The following MAPT variants were observed in gnomAD, a reference collection of about 807,000 sequenced individuals.
The protein encoded by MAPT is microtubule-associated protein tau.
A neutral mutation model predicts 67.9 loss-of-function variants in MAPT; 34 were observed. The observed-to-expected ratio is 0.50, with a 90% CI of 0.38 to 0.67. The LOEUF (loss-of-function observed/expected upper bound fraction) is 0.67, where lower values mean the gene tolerates loss of function less well. Among genes scored for constraint, MAPT ranks in the 30% least tolerant of loss-of-function variants. The pLI is 0.00. For missense variants in MAPT, 881 were observed against 1,115.2 expected (o/e 0.79, Z 2.99); for synonymous variants, 456 against 464.5 (o/e 0.98, Z 0.23).
intron 1 of MAPT, among the ~76,000 whole-genome samples, chr17:45,914,504 C>G (rs1489164026): frequency 6.6e-6 from 1 of 152,120 alleles, no homozygotes; most frequent in Non-Finnish European, 1.5e-5. Context: ...GTGAGAAAAG[C>G]AGTGAGGAAC....
At chr17:45,941,701 GCCTGCCTTCCTTCCTTCCTTCCTT>G (rs1242091047) in intron 1 of MAPT, among the ~76,000 whole-genome samples, 50 of 73,534 alleles carry the variant, frequency 6.8e-4, no homozygotes, top group Admixed American at 1.9e-3. Context: ...CTTCCTTCCT[GCCTGCCTTCCTTCCTTCCTTCCTT>G]CCTTCCTTCC....
intron 1 of MAPT, among the ~76,000 whole-genome samples, chr17:45,943,113 G>A (rs2068142456): frequency 6.6e-6 from 1 of 152,186 alleles, no homozygotes; most frequent in Non-Finnish European, 1.5e-5. Context: ...GAGTGCAGTG[G>A]CATGATCTCA....
intron 1 of MAPT, among the ~76,000 whole-genome samples, chr17:45,948,926 T>G (rs950890101): frequency 6.6e-6 from 1 of 152,228 alleles, no homozygotes; most frequent in African/African-American, 2.4e-5. Context: ...AGGTTATTTT[T>G]GGATTCTAGG....
chr17:46,015,876 A>G (rs899425421), intron 11 of MAPT, among the ~76,000 whole-genome samples: 3 of 152,074 alleles, frequency 2.0e-5, no homozygotes, highest in African/African-American at 7.2e-5. Context: ...AAAAAAATAT[A>G]TTTTTTAAGG....
chr17:45,946,414 C>T (rs376295630), intron 1 of MAPT, among the ~76,000 whole-genome samples: 2 of 151,452 alleles, frequency 1.3e-5, no homozygotes, highest in South Asian at 2.1e-4. Flanking sequence ...TCAACCTGGC[C>T]AACATGGTGA....
At chr17:45,909,429 C>T (rs564879912) in intron 1 of MAPT, among the ~76,000 whole-genome samples, 25 of 152,148 alleles carry the variant, frequency 1.6e-4, no homozygotes, top group Non-Finnish European at 2.8e-4. Flanking sequence ...ATTAGAAGGT[C>T]AGTCCCAATA....
chr17:46,007,637 C>T (rs1247373959), intron 9 of MAPT, among the ~76,000 whole-genome samples: 5 of 152,100 alleles, frequency 3.3e-5, no homozygotes. Context: ...AATGCAGTTT[C>T]TTTTATTTTG....
chr17:45,962,512 G>GCC, intron 2 of MAPT, 42 bp downstream of exon 2: 1 of 1,610,192 alleles, frequency 6.2e-7, no homozygotes, highest in South Asian at 1.1e-5. Flanking sequence ...ATCACTGCAA[G>GCC]CCAAGGGGTG....
chr17:45,992,634 A>G (rs2074154609), intron 8 of MAPT, among the ~76,000 whole-genome samples: 1 of 152,136 alleles, frequency 6.6e-6, no homozygotes, highest in African/African-American at 2.4e-5. Context: ...CATGCCTGTA[A>G]TCCCAGCACT....
At position 46,026,732 on chromosome 17, in the gene MAPT, C is replaced by T. The variant is rs2076820554; in HGVS notation, c.*2561C>T. On this transcript the variant is annotated 3_prime_UTR_variant, in exon 13 of 13. Coordinates refer to ENST00000262410, the MANE Select transcript of MAPT (RefSeq NM_001377265.1). ...GGATGACTTGACAAGTCAGGAGACA[C>T]TGTTCCCAAAGCCTTGACCAGAGCA... The T allele has an allele frequency of 6.6e-6, 1 of 152,444 alleles. No individual in the cohort carries two copies. Among genetic ancestry groups the T allele is most frequent in the African/African-American group, 2.4e-5 (1 of 41,462 alleles). 9.4% of individuals were successfully genotyped at this position (152,444 alleles called of 1,614,324 possible).
chr17:45,960,125 A>G (rs17650842), intron 1 of MAPT, among the ~76,000 whole-genome samples: 21,924 of 152,316 alleles, frequency 0.14, 2,141 homozygotes, highest in Middle Eastern at 0.22. Context: ...AAACAGACAC[A>G]TTTGCACAAG....
rs1240478991 is a variant in MAPT, at chr17:45,936,409, A to C, written c.-17-25912A>C. Reference sequence around the variant, plus strand: ...GGGGCTGCCTGTAGCATTAGAGGACATACATGCACATGCGTGGGCATGGGA... The same window carrying C: ...GGGGCTGCCTGTAGCATTAGAGGACCTACATGCACATGCGTGGGCATGGGA... On this transcript the variant is annotated intron_variant, in intron 1 of 12. Transcript: ENST00000262410. Among the ~76,000 whole-genome samples, 14 of 152,232 alleles carry C rather than the reference A, an allele frequency of 9.2e-5. 1 individual carries two copies. The highest frequency in any genetic ancestry group is 9.2e-4 in the Admixed American group (14 of 15,284).
In MAPT at chr17:45,905,031, G is replaced by C. The variant is rs777293159; in HGVS notation, c.-18+10345G>C. Among the ~76,000 whole-genome samples, 5 of 152,156 alleles carry C rather than the reference G, an allele frequency of 3.3e-5. No homozygotes were observed. In the South Asian group the frequency reaches 1.0e-3, roughly 32 times the overall value. ...AGAGTCATCAGCCCTCCCACCATCC[G>C]TTTTCTGTCTTGTCTTTTCCCTATG... On this transcript the variant is annotated intron_variant, in intron 1 of 12. Transcript: ENST00000262410.
At chr17:45,918,181 G>A (rs1437130679) in intron 1 of MAPT, among the ~76,000 whole-genome samples, 1 of 152,190 alleles carries the variant, frequency 6.6e-6, no homozygotes, top group East Asian at 1.9e-4. Context: ...CTGCTAGAGC[G>A]CTTGTCATTG....
intron 1 of MAPT, among the ~76,000 whole-genome samples, chr17:45,944,551 A>T (rs1470756799): frequency 6.6e-6 from 1 of 152,182 alleles, no homozygotes; most frequent in Non-Finnish European, 1.5e-5. Flanking sequence ...TCCAACGAGA[A>T]GCCAAGCAGG....
chr17:45,970,427 C>T (rs1194381373), intron 2 of MAPT, among the ~76,000 whole-genome samples: 1 of 152,238 alleles, frequency 6.6e-6, no homozygotes, highest in African/African-American at 2.4e-5. Flanking sequence ...TCCGTCCACC[C>T]ATCATGGTAT....
intron 1 of MAPT, among the ~76,000 whole-genome samples, chr17:45,961,494 C>T (rs1232965486): frequency 6.6e-6 from 1 of 152,166 alleles, no homozygotes; most frequent in Admixed American, 6.5e-5. Flanking sequence ...CCAGCAAACT[C>T]GGAGCTGGAG....
At chr17:45,909,054 A>G (rs4371195) in intron 1 of MAPT, among the ~76,000 whole-genome samples, 21,829 of 152,272 alleles carry the variant, frequency 0.14, 2,138 homozygotes, top group Middle Eastern at 0.22. Flanking sequence ...ATAGGCCCCC[A>G]TGGATCCCAG....
intron 1 of MAPT, among the ~76,000 whole-genome samples, chr17:45,911,803 A>G (rs1380591410): frequency 6.6e-6 from 1 of 152,030 alleles, no homozygotes; most frequent in Non-Finnish European, 1.5e-5. Flanking sequence ...GCTTTCTTAA[A>G]GAGACTTGAG....
Sources: allele counts gnomAD v4.1 joint callset (sites outside exome capture counted in the v4.1 genomes callset), GRCh38; gene constraint gnomAD v4.1.1; transcripts MANE v1.5; gene names NCBI Gene and HGNC (gene_info 2026-07-23, HGNC 2026-07-21).